GPBP1L1: variants seen among roughly 807,000 people sequenced by gnomAD.
GPBP1L1 encodes the protein GC-rich promoter binding protein 1 like 1.
Under a neutral mutation model 52.5 loss-of-function variants are expected in GPBP1L1, and 23 were observed. The ratio of observed to expected loss-of-function variants is 0.44; its 90% confidence interval spans 0.32 to 0.62. The LOEUF is 0.62. Among genes scored for constraint, GPBP1L1 ranks in the 20% least tolerant of loss-of-function variants. The pLI is 0.06. For missense variants in GPBP1L1, 596 were observed against 579.3 expected, an observed-to-expected ratio of 1.03 and a Z score of -0.30; for synonymous variants, 243 against 203.1, an observed-to-expected ratio of 1.20 and a Z score of -1.67.
At chr1:45,675,252 G>A (rs1044269227) in intron 2 of GPBP1L1, among the ~76,000 whole-genome samples, 2 of 151,772 alleles carry the variant, frequency 1.3e-5, no homozygotes, top group African/African-American at 2.4e-5. Flanking sequence ...AGCCGAGATC[G>A]AGCCACTGCA....
At chr1:45,684,258 CAA>C (rs60624036) in intron 2 of GPBP1L1, among the ~76,000 whole-genome samples, 3,526 of 88,388 alleles carry the variant, frequency 0.04, 43 homozygotes, top group East Asian at 0.16. Context: ...AACTCCGTCT[CAA>C]AAAAAAAAAA....
intron 2 of GPBP1L1, among the ~76,000 whole-genome samples, chr1:45,668,649 T>A (rs182800336): frequency 6.6e-6 from 1 of 152,252 alleles, no homozygotes; most frequent in Non-Finnish European, 1.5e-5. Flanking sequence ...AGAGCAAGAC[T>A]CTGTCTCAAA....
Position 45,655,227 on chromosome 1 carries a change from A to G in GPBP1L1, c.153T>C (p.Asp51=), listed in dbSNP as rs1644870484. ...GVSRRRHNSS[D]GFFNNGPLRT... Reference sequence around the variant, plus strand: ...GTAGGGGACCATTGTTAAAAAAACCATCAGAGGAATTATGTCGACGGCGGC... The same window carrying G: ...GTAGGGGACCATTGTTAAAAAAACCGTCAGAGGAATTATGTCGACGGCGGC... The change falls in exon 5 of 13, where the codon GAT becomes GAC. Residue 51 remains aspartate (D), a synonymous_variant. Transcript: ENST00000355105. 2 of 1,614,032 alleles carry G rather than the reference A, an allele frequency of 1.2e-6. No individual in the cohort carries two copies. The highest frequency in any genetic ancestry group is 1.7e-5 in the Admixed American group (1 of 60,000).
At chr1:45,677,148 C>T (rs920085564) in intron 2 of GPBP1L1, among the ~76,000 whole-genome samples, 2 of 151,844 alleles carry the variant, frequency 1.3e-5, no homozygotes, top group African/African-American at 4.8e-5. Flanking sequence ...CCAGCTTGGC[C>T]AATGTGGTGA....
chr1:45,652,791 C>T (rs1366812534), intron 6 of GPBP1L1, among the ~76,000 whole-genome samples: 1 of 151,760 alleles, frequency 6.6e-6, no homozygotes, highest in East Asian at 1.9e-4. Flanking sequence ...TATAGGTGCA[C>T]GCCACCCATG....
At chr1:45,647,732 A>T (rs1644768280) in intron 6 of GPBP1L1, among the ~76,000 whole-genome samples, 1 of 152,088 alleles carries the variant, frequency 6.6e-6, no homozygotes, top group Non-Finnish European at 1.5e-5. Flanking sequence ...GACACCTCTC[A>T]TGAAAAGCCT....
At chr1:45,636,963 C>T (rs80126524) in intron 8 of GPBP1L1, among the ~76,000 whole-genome samples, 1 of 144,746 alleles carries the variant, frequency 6.9e-6, no homozygotes, top group African/African-American at 2.5e-5. Context: ...AGTGTGTATT[C>T]TCTATATCCC....
intron 4 of GPBP1L1, among the ~76,000 whole-genome samples, chr1:45,657,916 G>A (rs1644903758): frequency 6.6e-6 from 1 of 152,188 alleles, no homozygotes; most frequent in East Asian, 1.9e-4. Context: ...GGGTCTAGAT[G>A]AGACCAGAAG....
At chr1:45,678,452 C>T (rs948717572) in intron 2 of GPBP1L1, among the ~76,000 whole-genome samples, 13 of 152,050 alleles carry the variant, frequency 8.5e-5, no homozygotes, top group Admixed American at 7.2e-4. Flanking sequence ...TAATAAAGAA[C>T]CAATCTTAGC....
chr1:45,660,105 A>G, intron 3 of GPBP1L1, 79 bp downstream of exon 3: 1 of 846,630 alleles, frequency 1.2e-6, no homozygotes, highest in Non-Finnish European at 1.4e-6. Context: ...AATTAATTAC[A>G]TCAGAAAGCA....
chr1:45,655,243 C>A lies in GPBP1L1; in HGVS notation c.137G>T (p.Arg46Leu). The change falls in exon 5 of 13, where the codon CGA becomes CTA. Residue 46 changes from arginine (R) to leucine (L), a missense_variant. Physicochemically the swap from Arg to Leu is moderately radical, Grantham distance 102. Transcript: ENST00000355105. ...AAAAAAACCATCAGAGGAATTATGT[C>A]GACGGCGGCTTACTCCAAATCTACC... ...GEGRFGVSRR[R>L]HNSSDGFFNN... The A allele has an allele frequency of 6.2e-7, 1 of 1,614,106 alleles. No individual in the cohort carries two copies. Among genetic ancestry groups the A allele is most frequent in the South Asian group, 1.1e-5 (1 of 91,076 alleles).
intron 4 of GPBP1L1, among the ~76,000 whole-genome samples, chr1:45,657,768 G>A (rs948578857): frequency 1.3e-5 from 2 of 152,168 alleles, no homozygotes; most frequent in African/African-American, 4.8e-5. Flanking sequence ...CGAGAGGATT[G>A]CTTGAGCCCG....
At chr1:45,641,479 C>A (rs887903070) in intron 7 of GPBP1L1, among the ~76,000 whole-genome samples, 4 of 151,902 alleles carry the variant, frequency 2.6e-5, no homozygotes, top group African/African-American at 9.7e-5. Flanking sequence ...CACACACACA[C>A]ACACACACGA....
chr1:45,648,981 G>A (rs1371324425), intron 6 of GPBP1L1, among the ~76,000 whole-genome samples: 2 of 152,238 alleles, frequency 1.3e-5, no homozygotes, highest in African/African-American at 4.8e-5. Flanking sequence ...AGTGAGCCAA[G>A]ATCGCGCCAT....
chr1:45,675,386 G>T (rs917101005), intron 2 of GPBP1L1, among the ~76,000 whole-genome samples: 1 of 152,110 alleles, frequency 6.6e-6, no homozygotes, highest in African/African-American at 2.4e-5. Context: ...ACCTTTTTAT[G>T]TATTTATCTC....
chr1:45,682,504 A>T (rs1380028365), intron 2 of GPBP1L1, among the ~76,000 whole-genome samples: 1 of 152,224 alleles, frequency 6.6e-6, no homozygotes, highest in African/African-American at 2.4e-5. Context: ...ACTTTGTTAA[A>T]ATCAACTCCT....
intron 6 of GPBP1L1, among the ~76,000 whole-genome samples, chr1:45,648,730 T>C (rs2148458081): frequency 6.6e-6 from 1 of 152,344 alleles, no homozygotes; most frequent in South Asian, 2.1e-4. Flanking sequence ...TTAACTTTAC[T>C]TTAAAATAAT....
chr1:45,675,149 T>G (rs976442416), intron 2 of GPBP1L1, among the ~76,000 whole-genome samples: 1 of 151,828 alleles, frequency 6.6e-6, no homozygotes, highest in Non-Finnish European at 1.5e-5. Context: ...ATACAAAAAT[T>G]AGCTGGGCGT....
At chr1:45,670,641 GA>G (rs1476966830) in intron 2 of GPBP1L1, among the ~76,000 whole-genome samples, 3 of 149,294 alleles carry the variant, frequency 2.0e-5, no homozygotes, top group Admixed American at 1.3e-4. Flanking sequence ...TTTTCCATAT[GA>G]AAAAAAAACT....
Sources: allele counts gnomAD v4.1 joint callset (sites outside exome capture counted in the v4.1 genomes callset), GRCh38; gene constraint gnomAD v4.1.1; transcripts MANE v1.5; gene names NCBI Gene and HGNC (gene_info 2026-07-23, HGNC 2026-07-21).